MYLK4: variants seen among roughly 807,000 people sequenced by gnomAD.
MYLK4 encodes caMLCK like.
Under a neutral mutation model 48.1 loss-of-function variants are expected in MYLK4, and 46 were observed. The observed-to-expected ratio is 0.96, with a 90% CI of 0.75 to 1.22. MYLK4 has a LOEUF of 1.22. Among genes scored for constraint, MYLK4 ranks in the 50% most tolerant of loss-of-function variants. MYLK4 has a pLI of 0.00. For synonymous variants in MYLK4, 170 were observed against 180.8 expected (o/e 0.94, Z 0.48); for missense variants, 451 against 486.1 (o/e 0.93, Z 0.68).
At position 2,690,513 on chromosome 6, in the gene MYLK4, T is replaced by TA. The variant is rs199961154; in HGVS notation, c.236-1558_236-1557insT. Among the ~76,000 whole-genome samples, 1,256 of 152,284 alleles carry TA rather than the reference T, an allele frequency of 8.2e-3. 22 individuals carry two copies. Among genetic ancestry groups the TA allele is most frequent in the African/African-American group, 0.029 (1,196 of 41,566 alleles). On this transcript the variant is annotated intron_variant, in intron 3 of 12. Transcript: ENST00000274643. ...AAAACATTCAGATGGTGGAAATTCT[T>TA]TAAGAAGGTTTTCTTAAAACAGTGT...
chr6:2,713,669 C>A (rs1396179292), intron 2 of MYLK4, among the ~76,000 whole-genome samples: 1 of 152,190 alleles, frequency 6.6e-6, no homozygotes, highest in Non-Finnish European at 1.5e-5. Flanking sequence ...CACTCCCCAT[C>A]CCATGAGTCA....
At chr6:2,740,139 G>A (rs184187469) in intron 2 of MYLK4, among the ~76,000 whole-genome samples, 56 of 152,330 alleles carry the variant, frequency 3.7e-4, no homozygotes, top group African/African-American at 1.3e-3. Context: ...GTTTTGGGCA[G>A]GTCAGTGAGC....
intron 2 of MYLK4, among the ~76,000 whole-genome samples, chr6:2,713,676 G>A (rs1582083718): frequency 6.6e-6 from 1 of 152,306 alleles, no homozygotes; most frequent in East Asian, 1.9e-4. Flanking sequence ...CATCCCATGA[G>A]TCAGGGCAGG....
At chr6:2,715,329 C>T (rs1406405297) in intron 2 of MYLK4, among the ~76,000 whole-genome samples, 1 of 151,388 alleles carries the variant, frequency 6.6e-6, no homozygotes, top group Non-Finnish European at 1.5e-5. Context: ...ATGGATGGTG[C>T]TGACGGGCTG....
the MYLK4 span, among the ~76,000 whole-genome samples, chr6:2,769,673 C>T: frequency 6.6e-6 from 1 of 152,098 alleles, no homozygotes; most frequent in African/African-American, 2.4e-5. Context: ...CCCCATAAAA[C>T]AGCATAATAG....
intron 4 of MYLK4, among the ~76,000 whole-genome samples, chr6:2,688,303 C>T (rs542547780): frequency 5.9e-5 from 9 of 151,792 alleles, no homozygotes; most frequent in African/African-American, 2.2e-4. Flanking sequence ...AAGTGATCTG[C>T]CCGCCTCAGT....
rs1760540090 is a variant in MYLK4 at position 2,663,857 on chromosome 6, A to AGACCT, written c.*4067_*4068insAGGTC. ...GACATCTATCAGCTGAGACGACAGC[A>AGACCT]AAATACACATTAGGTAACATATGAA... is the stretch of plus-strand genomic sequence containing the variant. On this transcript the variant is annotated 3_prime_UTR_variant, in exon 13 of 13. Coordinates refer to ENST00000274643, the MANE Select transcript of MYLK4 (RefSeq NM_001012418.5). The AGACCT allele has an allele frequency of 6.6e-6, 1 of 152,616 alleles. No homozygotes were observed. The highest frequency in any genetic ancestry group is 1.5e-5 in the Non-Finnish European group (1 of 68,046). The allele number at this position is 152,616 out of a possible 1,614,324, so 9.5% of individuals were successfully genotyped here. A position where few individuals can be genotyped will look rare whatever the true frequency, so the allele number is the denominator to read the frequency against.
At chr6:2,678,095 C>T (rs1282429077) in intron 10 of MYLK4, 125 bp downstream of exon 10, 1 of 1,221,762 alleles carries the variant, frequency 8.2e-7, no homozygotes, top group Non-Finnish European at 1.1e-6. Flanking sequence ...AAACCTCATT[C>T]TATCCATGAC....
intron 12 of MYLK4, among the ~76,000 whole-genome samples, chr6:2,669,168 G>A (rs1760782200): frequency 6.6e-6 from 1 of 152,206 alleles, no homozygotes; most frequent in African/African-American, 2.4e-5. Flanking sequence ...TGTGACTCAG[G>A]TGAATTTCTG....
At chr6:2,684,566 A>G (rs1761452250) in intron 6 of MYLK4, among the ~76,000 whole-genome samples, 1 of 152,210 alleles carries the variant, frequency 6.6e-6, no homozygotes, top group African/African-American at 2.4e-5. Context: ...CTGTTTCCAC[A>G]GGTTCAAACA....
At chr6:2,702,052 G>A (rs547987848) in intron 2 of MYLK4, among the ~76,000 whole-genome samples, 22 of 152,234 alleles carry the variant, frequency 1.4e-4, no homozygotes, top group Non-Finnish European at 3.1e-4. Context: ...TTCACTGGGG[G>A]CCGCATGCCG....
chr6:2,745,122 GA>G (rs1764034803), intron 2 of MYLK4, among the ~76,000 whole-genome samples: 1 of 152,300 alleles, frequency 6.6e-6, no homozygotes, highest in South Asian at 2.1e-4. Context: ...GTACACCGAG[GA>G]AAGCAGTGAG....
At chr6:2,761,594 C>G in the MYLK4 span, among the ~76,000 whole-genome samples, 2 of 152,332 alleles carry the variant, frequency 1.3e-5, no homozygotes, top group South Asian at 4.1e-4. Context: ...GACAAGTTCA[C>G]TTAATTCTCA....
Position 2,678,190 on chromosome 6 carries a change from C to T in MYLK4, c.1040+30G>A, listed in dbSNP as rs139657219. 5.9e-4 allele frequency: 944 copies of T among 1,608,328 alleles called. 1 individual carries two copies. The highest frequency in any genetic ancestry group is 7.5e-4 in the Non-Finnish European group (882 of 1,176,978). ...CCCTGCTTCCTTATCATCCCTACTGCGCCCGGAGCACAGGACGAACTTGCG... is the reference window on the plus strand; with the variant it reads ...CCCTGCTTCCTTATCATCCCTACTGTGCCCGGAGCACAGGACGAACTTGCG... On this transcript the variant is annotated intron_variant, in intron 10 of 12. Transcript: ENST00000274643.
intron 2 of MYLK4, among the ~76,000 whole-genome samples, chr6:2,693,961 A>G (rs960035074): frequency 1.3e-5 from 2 of 151,902 alleles, no homozygotes; most frequent in African/African-American, 4.8e-5. Flanking sequence ...GTTTTGCCAC[A>G]TTTGCCAGAC....
chr6:2,677,665 G>A (rs747598223), intron 10 of MYLK4, among the ~76,000 whole-genome samples: 42 of 152,168 alleles, frequency 2.8e-4, no homozygotes, highest in Admixed American at 4.6e-4. Flanking sequence ...CCAAGTGTGC[G>A]GCCGTTGGGG....
At chr6:2,693,756 C>CTT (rs66817086) in intron 2 of MYLK4, among the ~76,000 whole-genome samples, 3 of 124,810 alleles carry the variant, frequency 2.4e-5, no homozygotes, top group Admixed American at 8.0e-5. Flanking sequence ...TGCAAATGTG[C>CTT]TTTTTTTTTT....
At chr6:2,674,896 A>T in intron 11 of MYLK4, 151 bp downstream of exon 11, 1 of 684,120 alleles carries the variant, frequency 1.5e-6, no homozygotes, top group Non-Finnish European at 2.4e-6. Flanking sequence ...TTAAAAAAGC[A>T]TTTTAAGTAA....
intron 2 of MYLK4, 105 bp downstream of exon 2, chr6:2,749,031 C>T (rs553219953): frequency 5.0e-6 from 5 of 1,003,936 alleles, no homozygotes; most frequent in Non-Finnish European, 5.9e-6. Flanking sequence ...GGAATGATGC[C>T]TATTCATAAA....
Sources: gnomAD v4.1 joint callset for allele counts (sites outside exome capture counted in the v4.1 genomes callset) on GRCh38, gnomAD v4.1.1 for gene constraint, MANE v1.5 for transcripts, NCBI Gene and HGNC (gene_info 2026-07-23, HGNC 2026-07-21) for gene names.